FBXL13: variants seen among roughly 807,000 people sequenced by gnomAD.
The protein encoded by FBXL13 is F-box and leucine rich repeat protein 13.
A neutral mutation model predicts 83.6 loss-of-function variants in FBXL13; 67 were observed. The ratio of observed to expected loss-of-function variants is 0.80; its 90% CI spans 0.66 to 0.98. FBXL13 has a LOEUF of 0.98. Ranked by LOEUF, FBXL13 falls within the 50% of genes least tolerant of loss-of-function variation. The pLI is 0.00. For missense variants in FBXL13, 822 were observed against 866.5 expected (o/e 0.95, Z 0.64); for synonymous variants, 272 against 299.5 (o/e 0.91, Z 0.95).
intron 16 of FBXL13, among the ~76,000 whole-genome samples, chr7:102,862,343 A>G (rs934606110): frequency 6.6e-6 from 1 of 151,416 alleles, no homozygotes; most frequent in Non-Finnish European, 1.5e-5. Flanking sequence ...AAAAAAAAAA[A>G]AAGAAAAGAA....
intron 19 of FBXL13, among the ~76,000 whole-genome samples, chr7:102,814,045 C>T (rs1314927138): frequency 6.6e-6 from 1 of 152,030 alleles, no homozygotes; most frequent in Non-Finnish European, 1.5e-5. Context: ...AGGTTTGTGA[C>T]TCAAAGGTGT....
chr7:103,022,620 C>T (rs141155150), intron 6 of FBXL13, among the ~76,000 whole-genome samples: 1,679 of 152,222 alleles, frequency 0.011, 35 homozygotes, highest in African/African-American at 0.039. Flanking sequence ...TGGCTAGCCA[C>T]ACGCGGAATA....
chr7:102,953,977 T>C (rs1408661228), intron 8 of FBXL13, among the ~76,000 whole-genome samples: 4 of 152,148 alleles, frequency 2.6e-5, no homozygotes, highest in Non-Finnish European at 4.4e-5. Context: ...GATGGCCGAA[T>C]AGGAACAGCT....
intron 17 of FBXL13, among the ~76,000 whole-genome samples, chr7:102,852,052 A>G (rs1805343315): frequency 2.0e-5 from 3 of 152,304 alleles, no homozygotes; most frequent in Admixed American, 2.0e-4. Context: ...ATTAGATCAT[A>G]TAACATTTCT....
At chr7:103,052,041 A>G (rs966106008) in intron 2 of FBXL13, among the ~76,000 whole-genome samples, 2 of 152,196 alleles carry the variant, frequency 1.3e-5, no homozygotes. Context: ...AACAGCACAT[A>G]TTGGCAGTCC....
chr7:103,074,192 G>A (rs569103914), intron 1 of FBXL13: 2 of 975,496 alleles, frequency 2.1e-6, no homozygotes, highest in East Asian at 1.1e-4. Flanking sequence ...TCTTCCCTCC[G>A]CTAACCTCCA....
chr7:102,944,742 A>G (rs1327533521), intron 8 of FBXL13: 1 of 760,818 alleles, frequency 1.3e-6, no homozygotes, highest in African/African-American at 1.8e-5. Context: ...TTTAATTATA[A>G]GTATTATTGT....
At chr7:102,825,893 C>T (rs530074569) in intron 18 of FBXL13, among the ~76,000 whole-genome samples, 112 of 152,274 alleles carry the variant, frequency 7.4e-4, no homozygotes, top group African/African-American at 2.3e-3. Flanking sequence ...TTAAATTCTC[C>T]GAGCCTCAGT....
chr7:102,917,514 T>C (rs754083549), intron 10 of FBXL13, among the ~76,000 whole-genome samples: 2 of 152,182 alleles, frequency 1.3e-5, no homozygotes, highest in African/African-American at 4.8e-5. Context: ...TTCTGGTAGA[T>C]GGCGAGACTT....
chr7:102,934,178 G>A, intron 8 of FBXL13: 1 of 1,614,226 alleles, frequency 6.2e-7, no homozygotes, highest in Non-Finnish European at 8.5e-7. Flanking sequence ...CATGCTGCTA[G>A]CAAGAAACAA....
intron 17 of FBXL13, among the ~76,000 whole-genome samples, chr7:102,854,378 G>C (rs908873915): frequency 3.3e-5 from 5 of 152,102 alleles, no homozygotes; most frequent in African/African-American, 4.8e-5. Context: ...TTGTGGGGTG[G>C]GGGGAGAGGG....
chr7:102,933,998 C>T (rs374606402), intron 8 of FBXL13: 10 of 1,613,986 alleles, frequency 6.2e-6, no homozygotes, highest in African/African-American at 4.0e-5. Context: ...TGTGAGAAGC[C>T]GAGTGAATCA....
chr7:102,976,336 G>T (rs946192061), intron 6 of FBXL13: 5 of 618,234 alleles, frequency 8.1e-6, no homozygotes, highest in African/African-American at 7.3e-5. Flanking sequence ...GGAAATTGAT[G>T]AACAAGCCTC....
chr7:102,968,956 AAT>A (rs1826285638), intron 6 of FBXL13, among the ~76,000 whole-genome samples: 1 of 152,238 alleles, frequency 6.6e-6, no homozygotes, highest in South Asian at 2.1e-4. Flanking sequence ...ATAAGATTAT[AAT>A]GGAGCTGAAA....
At chr7:102,855,039 T>C (rs1805833094) in intron 16 of FBXL13, among the ~76,000 whole-genome samples, 179 bp from the exon 18 acceptor site, 1 of 152,190 alleles carries the variant, frequency 6.6e-6, no homozygotes, top group Admixed American at 6.5e-5. Context: ...GATTAGGCAA[T>C]GCCATTAAGT....
chr7:102,924,765 C>T (rs1421215106), intron 10 of FBXL13, among the ~76,000 whole-genome samples: 3 of 151,504 alleles, frequency 2.0e-5, no homozygotes, highest in Non-Finnish European at 4.4e-5. Flanking sequence ...CCTCAGCCTC[C>T]GAGTAGCTGG....
At chr7:102,877,654 TTCATATAAAAACTATC>T in intron 15 of FBXL13, 61 bp from the exon 17 acceptor site, 1 of 1,532,224 alleles carries the variant, frequency 6.5e-7, no homozygotes, top group Non-Finnish European at 8.8e-7. Context: ...AAGCAATTTC[TTCATATAAAAACTATC>T]TTGGGAAAAC....
At chr7:103,074,376 T>A (rs1799415703) in exon 1 of FBXL13, 13 of 1,054,220 alleles carry the variant, frequency 1.2e-5, no homozygotes, top group Non-Finnish European at 1.5e-5. Flanking sequence ...ACTCCTCCAC[T>A]CCTCAGGTAC....
intron 11 of FBXL13, among the ~76,000 whole-genome samples, chr7:102,905,802 A>G (rs1813659374): frequency 6.6e-6 from 1 of 152,068 alleles, no homozygotes. Context: ...TTTGGCTTGA[A>G]GTTACCATAA....
Sources: gnomAD v4.1 joint callset for allele counts (sites outside exome capture counted in the v4.1 genomes callset) on GRCh38, gnomAD v4.1.1 for gene constraint, MANE v1.5 for transcripts, NCBI Gene and HGNC (gene_info 2026-07-23, HGNC 2026-07-21) for gene names.